The following ARMCX4 variants were observed in gnomAD, a reference collection of about 807,000 sequenced individuals.
ARMCX4 encodes armadillo repeat containing X-linked 4.
ARMCX4 carries 3 observed loss-of-function variants against 34.7 expected under a neutral mutation model. That is an observed-to-expected ratio of 0.09 (90% CI 0.04 to 0.22). ARMCX4 has a LOEUF of 0.22. Among genes scored for constraint, ARMCX4 ranks in the 10% least tolerant of loss-of-function variants. The pLI is 1.00. For missense variants in ARMCX4, 1,448 were observed against 1,720.8 expected, an observed-to-expected ratio of 0.84 and a Z score of 2.81; for synonymous variants, 513 against 632.8, an observed-to-expected ratio of 0.81 and a Z score of 2.84.
At chrX:101,511,391 G>A (rs187467947) in intron 11 of ARMCX4, among the ~76,000 whole-genome samples, 2 of 110,749 alleles carry the variant, frequency 1.8e-5, no homozygotes, top group East Asian at 2.8e-4. Context: ...AATTCTGCAC[G>A]TGTCTCATGG....
At position 101,489,553 on chromosome X, in the gene ARMCX4, C is replaced by T. The variant is rs1556007984; in HGVS notation, c.964C>T (p.Pro322Ser). The T allele has an allele frequency of 8.7e-7, 1 of 1,155,117 alleles. No homozygotes were observed. Among genetic ancestry groups the T allele is most frequent in the Admixed American group, 2.6e-5 (1 of 38,688 alleles). Residue 322 changes from proline (P) to serine (S), a missense_variant, in exon 6 of 6, where the codon CCT becomes TCT. Transcript: ENST00000423738. ...SGADTRASAQ[P>S]QIFAKTQTEA... Reference sequence around the variant, plus strand: ...GGCAGACACGAGGGCTTCTGCTCAGCCTCAAATTTTTGCCAAAACCCAGAC... The same window carrying T: ...GGCAGACACGAGGGCTTCTGCTCAGTCTCAAATTTTTGCCAAAACCCAGAC...
At chrX:101,502,911 A>T (rs1305671162) in intron 7 of ARMCX4, among the ~76,000 whole-genome samples, 1 of 98,082 alleles carries the variant, frequency 1.0e-5, no homozygotes, top group Non-Finnish European at 2.1e-5. Flanking sequence ...CATTAGGTAT[A>T]ACTCCTAATG....
downstream of ARMCX4, among the ~76,000 whole-genome samples, chrX:101,451,048 C>T (rs149339514): frequency 1.8e-5 from 2 of 111,644 alleles, no homozygotes; most frequent in African/African-American, 3.3e-5. Context: ...GTGGCATAAG[C>T]GTTCACTTAG....
At chrX:101,437,926 G>A (rs1223519170) in intron 2 of ARMCX4, among the ~76,000 whole-genome samples, 3 of 111,781 alleles carry the variant, frequency 2.7e-5, no homozygotes, top group African/African-American at 9.7e-5. Flanking sequence ...TCAGGAGCAG[G>A]TTGTTTAGTT....
intron 2 of ARMCX4, among the ~76,000 whole-genome samples, chrX:101,436,259 A>C (rs1930758973): frequency 9.0e-6 from 1 of 110,891 alleles, no homozygotes; most frequent in African/African-American, 3.3e-5. Flanking sequence ...CAGGATATTG[A>C]TTCTTCCTAC....
At chrX:101,523,956 CT>C (rs1194491164) in intron 11 of ARMCX4, among the ~76,000 whole-genome samples, 8 of 109,182 alleles carry the variant, frequency 7.3e-5, no homozygotes, top group African/African-American at 2.3e-4. Context: ...TTTTTTCCCC[CT>C]TTTCCAAGTT....
chrX:101,461,703 A>G (rs1490780162), intron 4 of ARMCX4, among the ~76,000 whole-genome samples: 1 of 111,505 alleles, frequency 9.0e-6, no homozygotes, highest in African/African-American at 3.3e-5. Flanking sequence ...CAATTTCTCC[A>G]CATCCTCACC....
At chrX:101,531,693 C>A (rs906277495) in exon 12 of ARMCX4, 5 of 111,622 alleles carry the variant, frequency 4.5e-5, no homozygotes, top group Non-Finnish European at 9.4e-5. Flanking sequence ...ACAACACGAA[C>A]TTCTACTCAC....
intron 11 of ARMCX4, among the ~76,000 whole-genome samples, chrX:101,525,013 C>A (rs369608457): frequency 1.8e-5 from 2 of 112,073 alleles, no homozygotes; most frequent in African/African-American, 6.5e-5. Context: ...TCCCTGACTC[C>A]CGTGTAGCCT....
chrX:101,434,753 C>G (rs1555993843), intron 2 of ARMCX4, among the ~76,000 whole-genome samples: 1 of 108,367 alleles, frequency 9.2e-6, no homozygotes, highest in African/African-American at 3.4e-5. Flanking sequence ...CATCATTTAA[C>G]CTTAGGTATA....
chrX:101,421,174 G>C, intron 2 of ARMCX4, among the ~76,000 whole-genome samples: 1 of 93,498 alleles, frequency 1.1e-5, no homozygotes, highest in South Asian at 5.5e-4. Context: ...TTGCACACCA[G>C]CCTGGGCAAC....
At chrX:101,448,546 G>T (rs1274181832), downstream of ARMCX4, among the ~76,000 whole-genome samples, 1 of 111,873 alleles carries the variant, frequency 8.9e-6, no homozygotes, top group Non-Finnish European at 1.9e-5. Flanking sequence ...TTTAACTGGG[G>T]TATAACTGGG....
intron 2 of ARMCX4, 135 bp from the exon 3 acceptor site, chrX:101,487,058 C>CTTTT (rs782356134): frequency 4.5e-5 from 4 of 87,999 alleles, no homozygotes; most frequent in Admixed American, 1.2e-4. Flanking sequence ...AAGCCCCAGG[C>CTTTT]TTTTTTTTTT....
intron 4 of ARMCX4, among the ~76,000 whole-genome samples, chrX:101,461,962 C>T (rs1932631160): frequency 8.9e-6 from 1 of 111,734 alleles, no homozygotes; most frequent in Non-Finnish European, 1.9e-5. Context: ...ATATGTTAGG[C>T]AGACTTACTG....
chrX:101,427,696 ACAT>A (rs1385109598), intron 2 of ARMCX4, among the ~76,000 whole-genome samples: 2 of 111,610 alleles, frequency 1.8e-5, no homozygotes, highest in Non-Finnish European at 3.8e-5. Flanking sequence ...CTTTCTTGAC[ACAT>A]CATAACATGG....
intron 4 of ARMCX4, among the ~76,000 whole-genome samples, chrX:101,455,117 G>A (rs1932205517): frequency 9.0e-6 from 1 of 111,528 alleles, no homozygotes; most frequent in African/African-American, 3.3e-5. Context: ...TGAAGGATAA[G>A]CAGAAGTTAG....
chrX:101,421,466 G>A (rs1413286708), intron 2 of ARMCX4, among the ~76,000 whole-genome samples: 1 of 111,311 alleles, frequency 9.0e-6, no homozygotes, highest in African/African-American at 3.3e-5. Context: ...GTGATATTGT[G>A]AAGTACACAT....
intron 2 of ARMCX4, among the ~76,000 whole-genome samples, chrX:101,436,473 G>A (rs1200141900): frequency 1.8e-5 from 2 of 110,899 alleles, no homozygotes; most frequent in Non-Finnish European, 3.8e-5. Flanking sequence ...AAGAATGCTT[G>A]TGATTTTTGC....
In ARMCX4 at chrX:101,492,399, G is replaced by A. The variant is rs782326273; in HGVS notation, c.3810G>A (p.Glu1270=). 9.5e-6 allele frequency: 11 copies of A among 1,154,797 alleles called. No homozygotes were observed. The South Asian group carries it at 1.7e-4, about 18-fold the overall frequency. The change falls in exon 6 of 6, where the codon GAG becomes GAA. Residue 1270 remains glutamate, a synonymous_variant. Transcript: ENST00000423738. ...TTGGAGGGTCCTGGACTGGGGCTGA[G>A]AACCAAGCCAGTGAAGGGTCTTGGG... ...EAIGGSWTGA[E]NQASEGSWAG...
Sources: allele counts gnomAD v4.1 joint callset (sites outside exome capture counted in the v4.1 genomes callset), GRCh38; gene constraint gnomAD v4.1.1; transcripts MANE v1.5; gene names NCBI Gene and HGNC (gene_info 2026-07-23, HGNC 2026-07-21).